GDPD1: variants seen among roughly 807,000 people sequenced by gnomAD.
GDPD1 encodes the protein lysophospholipase D GDPD1.
In GDPD1, 28 loss-of-function variants were observed where a neutral mutation model predicts 45.1. That is an observed-to-expected ratio of 0.62 (90% CI 0.46 to 0.85). The LOEUF is 0.85. Ranked by LOEUF, GDPD1 falls within the 40% of genes least tolerant of loss-of-function variation. The probability of loss-of-function intolerance (pLI) is 0.00; values close to 1 mark genes in which losing one functional copy is unlikely to be tolerated. For missense variants in GDPD1, 256 were observed against 364.8 expected (o/e 0.70, Z 2.43); for synonymous variants, 139 against 131.4 (o/e 1.06, Z -0.40).
chr17:59,255,762 AATAT>A lies in GDPD1; in HGVS notation c.368-1340_368-1337del, dbSNP rs1203946108. On this transcript the variant is annotated intron_variant, in intron 4 of 9. Coordinates refer to ENST00000284116, the MANE Select transcript of GDPD1 (RefSeq NM_182569.4). Reference sequence around the variant, plus strand: ...CCGTCTCAAAAAAAAAAAAAAAAAAAATATATATATATATATATATATACGCGTA... The same window carrying A: ...CCGTCTCAAAAAAAAAAAAAAAAAAAATATATATATATATATATACGCGTA... Among the ~76,000 whole-genome samples the A allele has an allele frequency of 7.9e-3, 348 of 44,288 alleles. 4 individuals are homozygous for A. The highest frequency in any genetic ancestry group is 0.026 in the Middle Eastern group (2 of 76). 29.1% of individuals were successfully genotyped at this position (44,288 alleles called of 152,430 possible). A position where few individuals can be genotyped will look rare whatever the true frequency, so the allele number is the denominator to read the frequency against.
At position 59,220,609 on chromosome 17, in the gene GDPD1, G is replaced by A. The variant is rs773242936; in HGVS notation, c.-1G>A. ...GGGAGACTTCCCACACGGTGACTGA[G>A]ATGTCGTCCACTGCGGCTTTTTACC... is the stretch of plus-strand genomic sequence containing the variant. On this transcript the variant is annotated 5_prime_UTR_variant, in exon 1 of 10. Transcript: ENST00000284116. The A allele has an allele frequency of 1.9e-6, 3 of 1,613,574 alleles. No homozygotes were observed. Among genetic ancestry groups the A allele is most frequent in the Admixed American group, 1.7e-5 (1 of 59,956 alleles).
Position 59,220,515 on chromosome 17 carries a change from C to T in GDPD1, c.-95C>T, listed in dbSNP as rs563531572. 8.7e-6 allele frequency: 12 copies of T among 1,384,550 alleles called. No individual in the cohort carries two copies. The Admixed American group carries it at 1.7e-4, about 20-fold the overall frequency. The allele number at this position is 1,384,550 out of a possible 1,614,324, so 85.8% of individuals were successfully genotyped here. ...CCAGTGGCACCGGCTGGGGGCGAGC[C>T]GACCTCGAGCAGCCGCCGCCGCCGC... On this transcript the variant is annotated 5_prime_UTR_variant, in exon 1 of 10. Coordinates refer to ENST00000284116, the MANE Select transcript of GDPD1 (RefSeq NM_182569.4).
chr17:59,221,854 C>G (rs2047007799), intron 1 of GDPD1, among the ~76,000 whole-genome samples: 2 of 152,088 alleles, frequency 1.3e-5, no homozygotes, highest in South Asian at 4.2e-4. Flanking sequence ...ACCATAATCA[C>G]TTTACTAACA....
At chr17:59,258,831 A>G (rs1186342722) in intron 6 of GDPD1, among the ~76,000 whole-genome samples, 1 of 151,990 alleles carries the variant, frequency 6.6e-6, no homozygotes, top group Non-Finnish European at 1.5e-5. Flanking sequence ...ATTTTGAGTT[A>G]AATTATTTAG....
At chr17:59,247,771 C>G (rs77457338) in intron 3 of GDPD1, among the ~76,000 whole-genome samples, 1 of 152,008 alleles carries the variant, frequency 6.6e-6, no homozygotes, top group Non-Finnish European at 1.5e-5. Context: ...GCTGGGATTA[C>G]AGGCATGCGC....
intron 4 of GDPD1, among the ~76,000 whole-genome samples, chr17:59,250,805 T>G (rs2047247309): frequency 6.6e-6 from 1 of 152,052 alleles, no homozygotes; most frequent in East Asian, 1.9e-4. Context: ...GTTCAAGGGA[T>G]TCTCATGCCT....
At chr17:59,254,590 T>C (rs766935501) in intron 4 of GDPD1, among the ~76,000 whole-genome samples, 7 of 152,156 alleles carry the variant, frequency 4.6e-5, no homozygotes, top group Non-Finnish European at 8.8e-5. Context: ...AGAGTTTAAT[T>C]ATGTAGCCTA....
chr17:59,269,485 C>T (rs543316375), intron 7 of GDPD1, among the ~76,000 whole-genome samples: 56 of 142,036 alleles, frequency 3.9e-4, no homozygotes, highest in Admixed American at 2.3e-3. Flanking sequence ...ACCCCCCCCC[C>T]CAAAAAACAC....
chr17:59,237,784 G>T (rs1056185184), intron 2 of GDPD1, among the ~76,000 whole-genome samples: 1 of 151,602 alleles, frequency 6.6e-6, no homozygotes, highest in Non-Finnish European at 1.5e-5. Flanking sequence ...GAAAATGTAG[G>T]GTCAGCTGGG....
intron 6 of GDPD1, among the ~76,000 whole-genome samples, chr17:59,259,566 C>CAAA (rs71367681): frequency 6.4e-4 from 16 of 24,838 alleles, no homozygotes; most frequent in African/African-American, 1.3e-3. Context: ...GACTCTGTCT[C>CAAA]AAAAAAAAAA....
rs763404838 is a variant in GDPD1, at chr17:59,267,074, C to G, written c.610C>G (p.Arg204Gly). The G allele has an allele frequency of 1.1e-5, 17 of 1,612,568 alleles. No homozygotes were observed. Among genetic ancestry groups the G allele is most frequent in the Non-Finnish European group, 1.0e-5 (12 of 1,178,700 alleles). Residue 204 changes from arginine to glycine, a missense_variant, in exon 7 of 10, where the codon CGT (arginine) becomes GGT (glycine). Coordinates refer to ENST00000284116, the MANE Select transcript of GDPD1 (RefSeq NM_182569.4). The stretch of plus-strand genomic sequence containing the variant: ...TATTCCTATACTCTTCAGTCTACAA[C>G]GTGTCCTGCTCATTCTTGGCCTTTT... ...SDIPILFSLQ[R>G]VLLILGLFFT...
intron 1 of GDPD1, among the ~76,000 whole-genome samples, chr17:59,225,986 G>T (rs1046579806): frequency 3.9e-5 from 6 of 152,166 alleles, no homozygotes; most frequent in Non-Finnish European, 2.9e-5. Flanking sequence ...CTCTCAAAGT[G>T]CTGGGATTAC....
At chr17:59,257,297 A>G (rs2147896090) in intron 5 of GDPD1, 57 bp downstream of exon 5, 1 of 872,392 alleles carries the variant, frequency 1.1e-6, no homozygotes, top group East Asian at 2.5e-5. Context: ...AAACTAAATA[A>G]GGTTAGAGTC....
At chr17:59,249,461 A>T (rs2047236896) in intron 4 of GDPD1, among the ~76,000 whole-genome samples, 2 of 151,984 alleles carry the variant, frequency 1.3e-5, no homozygotes, top group Non-Finnish European at 2.9e-5. Context: ...AATGGAAAGG[A>T]CCCCTTTCAA....
At position 59,275,291 on chromosome 17, in the gene GDPD1, AGCCAG is replaced by A. The variant is rs1398656944; in HGVS notation, c.*1521_*1525del. 1.0e-6 allele frequency: 1 copy of A among 980,580 alleles called. No individual in the cohort carries two copies. Among genetic ancestry groups the A allele is most frequent in the Non-Finnish European group, 1.5e-6 (1 of 658,032 alleles). 60.7% of individuals were successfully genotyped at this position (980,580 alleles called of 1,614,324 possible). On this transcript the variant is annotated 3_prime_UTR_variant, in exon 10 of 10. Coordinates refer to ENST00000284116, the MANE Select transcript of GDPD1 (RefSeq NM_182569.4). Reference sequence around the variant, plus strand: ...TGGCAAGTTATACATAATCAGCAGCAGCCAGGCTCAAGAAAATAAAAGTTGATTAG... The same window carrying A: ...TGGCAAGTTATACATAATCAGCAGCAGCTCAAGAAAATAAAAGTTGATTAG...
At chr17:59,232,237 G>A (rs936926173) in intron 1 of GDPD1, among the ~76,000 whole-genome samples, 2 of 152,166 alleles carry the variant, frequency 1.3e-5, no homozygotes, top group Non-Finnish European at 2.9e-5. Context: ...CGGATCACAA[G>A]GTCAGGAGTT....
At chr17:59,229,131 A>G (rs1017573211) in intron 1 of GDPD1, among the ~76,000 whole-genome samples, 10 of 117,276 alleles carry the variant, frequency 8.5e-5, no homozygotes, top group African/African-American at 3.7e-4. Flanking sequence ...TGTTATTATT[A>G]TTATTATTAT....
intron 4 of GDPD1, among the ~76,000 whole-genome samples, chr17:59,256,054 C>T (rs2047306943): frequency 6.6e-6 from 1 of 151,024 alleles, no homozygotes; most frequent in Non-Finnish European, 1.5e-5. Context: ...GTACATGGTT[C>T]ATGCCTGTAA....
intron 1 of GDPD1, among the ~76,000 whole-genome samples, chr17:59,229,144 T>C (rs1230629122): frequency 6.9e-6 from 1 of 144,526 alleles, no homozygotes; most frequent in African/African-American, 2.6e-5. Context: ...ATTATTATTA[T>C]TATTATTATT....
Sources: gnomAD v4.1 joint callset for allele counts (sites outside exome capture counted in the v4.1 genomes callset) on GRCh38, gnomAD v4.1.1 for gene constraint, MANE v1.5 for transcripts, NCBI Gene and HGNC (gene_info 2026-07-23, HGNC 2026-07-21) for gene names.